The following KLHL13 variants were observed in gnomAD, a reference collection of about 807,000 sequenced individuals.
The protein encoded by KLHL13 is kelch-like protein 13.
A neutral mutation model predicts 37.1 loss-of-function variants in KLHL13; 10 were observed. That is an observed-to-expected ratio of 0.27 (90% confidence interval 0.17 to 0.46). KLHL13 has a LOEUF of 0.46. Ranked by LOEUF, KLHL13 falls within the 20% of genes least tolerant of loss-of-function variation. KLHL13 has a pLI of 1.00. For synonymous variants in KLHL13, 163 were observed against 181.2 expected (o/e 0.90, Z 0.81); for missense variants, 360 against 509.3 (o/e 0.71, Z 2.82).
chrX:118,030,477 G>A lies in KLHL13; in HGVS notation c.-55-84902C>T, dbSNP rs181888833. On this transcript the variant is annotated intron_variant, in intron 1 of 6. Transcript: ENST00000371882. ...GCCCTGTTTCACTAATTGCATCTAG[G>A]ATGAAACATACAGGTCCTGAAATTA... Among the ~76,000 whole-genome samples the A allele has an allele frequency of 5.9e-3, 661 of 111,394 alleles. 6 individuals are homozygous for A. Among genetic ancestry groups the A allele is most frequent in the South Asian group, 0.024 (63 of 2,624 alleles).
chrX:118,027,237 T>TG (rs1406863198), intron 1 of KLHL13, among the ~76,000 whole-genome samples: 6 of 111,795 alleles, frequency 5.4e-5, no homozygotes, highest in Admixed American at 2.9e-4. Flanking sequence ...ACAATGCTTC[T>TG]GCTCATTTCT....
At chrX:117,898,181 A>AT (rs908888203) in exon 7 of KLHL13, 1 of 111,439 alleles carries the variant, frequency 9.0e-6, no homozygotes, top group African/African-American at 3.3e-5. Flanking sequence ...GTGCCACTCA[A>AT]TTTTTAAAAA....
intron 1 of KLHL13, among the ~76,000 whole-genome samples, chrX:118,067,970 C>T (rs1426212950): frequency 4.5e-5 from 5 of 111,630 alleles, no homozygotes; most frequent in Non-Finnish European, 9.4e-5. Context: ...TATTGCTATA[C>T]CTTTATACCA....
At chrX:117,967,319 A>G (rs2053452539) in intron 1 of KLHL13, among the ~76,000 whole-genome samples, 1 of 111,596 alleles carries the variant, frequency 9.0e-6, no homozygotes, top group East Asian at 2.8e-4. Flanking sequence ...GTCAATCTAA[A>G]ATTTTATCAT....
At chrX:118,045,371 CAAAAA>C (rs55736320) in intron 1 of KLHL13, among the ~76,000 whole-genome samples, 3 of 72,595 alleles carry the variant, frequency 4.1e-5, no homozygotes, top group Non-Finnish European at 5.3e-5. Context: ...AAGACTCCAT[CAAAAA>C]AAAAAAAAAA....
At chrX:117,963,944 A>G (rs1363031897) in intron 1 of KLHL13, among the ~76,000 whole-genome samples, 1 of 90,919 alleles carries the variant, frequency 1.1e-5, no homozygotes, top group Non-Finnish European at 2.2e-5. Context: ...TCGCAAGAAC[A>G]AAAAACCAAA....
chrX:118,053,802 A>AGAGAGAGAGAGAGAGGAGAG (rs2054646841), intron 1 of KLHL13, among the ~76,000 whole-genome samples: 7 of 53,630 alleles, frequency 1.3e-4, no homozygotes, highest in African/African-American at 7.0e-4. Flanking sequence ...TGTGTGTGAG[A>AGAGAGAGAGAGAGAGGAGAG]GAGAGAGAGA....
At chrX:118,025,529 G>A (rs964209406) in intron 1 of KLHL13, among the ~76,000 whole-genome samples, 6 of 110,852 alleles carry the variant, frequency 5.4e-5, no homozygotes, top group Non-Finnish European at 7.5e-5. Context: ...TTGTGTTCAC[G>A]GAACCCTTAT....
chrX:117,995,133 C>T (rs1399430078), intron 1 of KLHL13, among the ~76,000 whole-genome samples: 1 of 110,919 alleles, frequency 9.0e-6, no homozygotes, highest in Non-Finnish European at 1.9e-5. Context: ...TTTGAAGCTG[C>T]CATTTTTCAT....
intron 1 of KLHL13, among the ~76,000 whole-genome samples, chrX:118,104,966 C>A (rs1006289357): frequency 8.9e-6 from 1 of 111,940 alleles, no homozygotes; most frequent in African/African-American, 3.3e-5. Flanking sequence ...AAATATTGTA[C>A]ACAAAAACAG....
At chrX:118,087,412 T>C (rs1395235037) in intron 1 of KLHL13, among the ~76,000 whole-genome samples, 1 of 109,902 alleles carries the variant, frequency 9.1e-6, no homozygotes, top group African/African-American at 3.3e-5. Flanking sequence ...TACACATATA[T>C]ATATCTTCTG....
At chrX:117,983,075 T>C (rs2053681450) in intron 1 of KLHL13, among the ~76,000 whole-genome samples, 1 of 108,706 alleles carries the variant, frequency 9.2e-6, no homozygotes, top group African/African-American at 3.4e-5. Flanking sequence ...AAAAACTTGT[T>C]TCAAACTTTT....
intron 1 of KLHL13, among the ~76,000 whole-genome samples, chrX:118,106,764 G>A (rs2055351958): frequency 8.9e-6 from 1 of 111,883 alleles, no homozygotes; most frequent in Non-Finnish European, 1.9e-5. Flanking sequence ...GTAGATTCAT[G>A]TACTCTCAAC....
intron 1 of KLHL13, among the ~76,000 whole-genome samples, chrX:117,970,056 A>C (rs2053498122): frequency 8.9e-6 from 1 of 111,847 alleles, no homozygotes; most frequent in African/African-American, 3.2e-5. Context: ...TCAATGGAAG[A>C]GCTACAGCAA....
chrX:118,087,910 T>C (rs995450026), intron 1 of KLHL13, among the ~76,000 whole-genome samples: 4 of 111,811 alleles, frequency 3.6e-5, no homozygotes, highest in African/African-American at 1.3e-4. Flanking sequence ...TTAACATTAC[T>C]GGGCTTCAGT....
chrX:118,074,367 G>A (rs900000035), intron 1 of KLHL13, among the ~76,000 whole-genome samples: 2 of 111,791 alleles, frequency 1.8e-5, no homozygotes, highest in African/African-American at 6.5e-5. Context: ...ATTTCACCTA[G>A]TGTAATAAAT....
intron 1 of KLHL13, among the ~76,000 whole-genome samples, chrX:118,048,102 G>GAAAT (rs1258698937): frequency 9.0e-6 from 1 of 110,890 alleles, no homozygotes; most frequent in African/African-American, 3.3e-5. Context: ...AGGGAGAGAG[G>GAAAT]AAATAAGTAC....
intron 1 of KLHL13, among the ~76,000 whole-genome samples, chrX:118,091,202 A>G (rs2055129933): frequency 9.2e-6 from 1 of 109,086 alleles, no homozygotes; most frequent in African/African-American, 3.3e-5. Flanking sequence ...TGGGTGCAGC[A>G]CACCAGCATG....
At chrX:117,963,288 A>G (rs1237227392) in intron 1 of KLHL13, among the ~76,000 whole-genome samples, 2 of 111,732 alleles carry the variant, frequency 1.8e-5, no homozygotes, top group African/African-American at 6.5e-5. Context: ...AATTGAAAAC[A>G]CAATATAATT....
Sources: gnomAD v4.1 joint callset for allele counts (sites outside exome capture counted in the v4.1 genomes callset) on GRCh38, gnomAD v4.1.1 for gene constraint, MANE v1.5 for transcripts, NCBI Gene and HGNC (gene_info 2026-07-23, HGNC 2026-07-21) for gene names.